CYSLTR1: variants seen among roughly 807,000 people sequenced by gnomAD.
CYSLTR1 encodes the protein cysteinyl leukotriene receptor 1, also known as G-protein coupled receptor HG55.
Under a neutral mutation model 2.1 loss-of-function variants are expected in CYSLTR1, and 1 was observed. The observed-to-expected ratio is 0.48, with a 90% CI of 0.17 to 2.28. The LOEUF is 2.28. Ranked by LOEUF, CYSLTR1 falls within the 30% of genes most tolerant of loss-of-function variation. The pLI is 0.26. For synonymous variants in CYSLTR1, 110 were observed against 89.6 expected (o/e 1.23, Z -1.28); for missense variants, 299 against 250.1 (o/e 1.20, Z -1.32).
chrX:78,316,536 T>C (rs1482986957), intron 1 of CYSLTR1, among the ~76,000 whole-genome samples: 1 of 111,815 alleles, frequency 8.9e-6, no homozygotes, highest in Non-Finnish European at 1.9e-5. Context: ...GCACCATTAG[T>C]GGAGCACTAT....
At chrX:78,302,781 A>G (rs1183583591) in intron 1 of CYSLTR1, among the ~76,000 whole-genome samples, 1 of 110,555 alleles carries the variant, frequency 9.0e-6, no homozygotes, top group Non-Finnish European at 1.9e-5. Flanking sequence ...CTGAGATGGT[A>G]TTCAAGATGG....
At chrX:78,293,112 G>A (rs886749992) in intron 1 of CYSLTR1, among the ~76,000 whole-genome samples, 1 of 111,132 alleles carries the variant, frequency 9.0e-6, no homozygotes, top group African/African-American at 3.3e-5. Context: ...GCAGTGGCTG[G>A]TACTGGTTGT....
At chrX:78,294,859 T>C (rs1015274870) in intron 1 of CYSLTR1, among the ~76,000 whole-genome samples, 1 of 111,867 alleles carries the variant, frequency 8.9e-6, no homozygotes, top group African/African-American at 3.3e-5. Flanking sequence ...TGGGTGGGAG[T>C]GTACTGATTT....
intron 1 of CYSLTR1, among the ~76,000 whole-genome samples, chrX:78,293,872 C>A (rs1254062206): frequency 1.8e-5 from 2 of 111,384 alleles, no homozygotes; most frequent in Non-Finnish European, 3.8e-5. Flanking sequence ...TTCTAGTTAG[C>A]CATTCGTCCA....
chrX:78,309,495 G>T (rs181553665), intron 1 of CYSLTR1, among the ~76,000 whole-genome samples: 1 of 111,753 alleles, frequency 8.9e-6, no homozygotes, highest in Non-Finnish European at 1.9e-5. Context: ...TCAGTGTTCT[G>T]GTGTTCAGGC....
chrX:78,289,235 T>G (rs1922209928), intron 1 of CYSLTR1, among the ~76,000 whole-genome samples: 1 of 111,023 alleles, frequency 9.0e-6, no homozygotes, highest in Admixed American at 9.5e-5. Flanking sequence ...GTCCTTGTGA[T>G]AGTTTGCTGA....
chrX:78,272,769 A>G lies in CYSLTR1; in HGVS notation c.978T>C (p.Ser326=). ...SVTYVPRKKA[S]LPEKGEEICK... is the part of the protein sequence containing the mutation. The stretch of plus-strand genomic sequence containing the variant: ...ATATTTCTTCTCCTTTTTCTGGCAA[A>G]GAGGCCTTCTTTCTGGGTACATAAG... The change falls in exon 3 of 3, where the codon TCT becomes TCC. Residue 326 remains serine, a synonymous_variant. Transcript: ENST00000373304. 1 of 1,202,842 alleles carries G rather than the reference A, an allele frequency of 8.3e-7. No homozygotes were observed.
intron 2 of CYSLTR1, among the ~76,000 whole-genome samples, chrX:78,276,404 C>T (rs998724358): frequency 8.1e-5 from 9 of 111,066 alleles, no homozygotes; most frequent in Non-Finnish European, 1.7e-4. Context: ...TTGTAAGAGA[C>T]GTGTTGGGGT....
At chrX:78,292,801 T>G (rs1414401309) in intron 1 of CYSLTR1, among the ~76,000 whole-genome samples, 1 of 109,434 alleles carries the variant, frequency 9.1e-6, no homozygotes, top group Non-Finnish European at 1.9e-5. Context: ...CCCTGCTGTT[T>G]TTTTTTTTTT....
chrX:78,295,864 AT>A (rs1188736006), intron 1 of CYSLTR1, among the ~76,000 whole-genome samples: 2 of 110,765 alleles, frequency 1.8e-5, no homozygotes, highest in Non-Finnish European at 3.8e-5. Context: ...CACTTTGTTG[AT>A]TGTTTCCTTT....
At chrX:78,308,018 A>T (rs1310858111) in intron 1 of CYSLTR1, among the ~76,000 whole-genome samples, 1 of 109,843 alleles carries the variant, frequency 9.1e-6, no homozygotes, top group Non-Finnish European at 1.9e-5. Flanking sequence ...AGGTAAAGGG[A>T]GGTTTTTGTA....
At chrX:78,300,781 C>G (rs924091191) in intron 1 of CYSLTR1, among the ~76,000 whole-genome samples, 1 of 112,636 alleles carries the variant, frequency 8.9e-6, no homozygotes, top group Non-Finnish European at 1.9e-5. Context: ...GTGAATAAGT[C>G]TTATGAAATA....
chrX:78,275,749 A>G (rs1921563546), intron 2 of CYSLTR1, among the ~76,000 whole-genome samples: 1 of 111,600 alleles, frequency 9.0e-6, no homozygotes, highest in African/African-American at 3.3e-5. Flanking sequence ...TAAAAAAAGA[A>G]AATGCTTGGT....
At chrX:78,304,705 T>C (rs1453488315) in intron 1 of CYSLTR1, among the ~76,000 whole-genome samples, 1 of 111,121 alleles carries the variant, frequency 9.0e-6, no homozygotes, top group East Asian at 2.8e-4. Flanking sequence ...GGAGACAAGA[T>C]AAGGGTAATC....
intron 1 of CYSLTR1, among the ~76,000 whole-genome samples, chrX:78,321,912 C>G (rs1235644859): frequency 9.0e-6 from 1 of 111,181 alleles, no homozygotes; most frequent in Non-Finnish European, 1.9e-5. Flanking sequence ...ATACGCCTGC[C>G]AAGATTTCCT....
chrX:78,313,962 T>C (rs1379182721), intron 1 of CYSLTR1, among the ~76,000 whole-genome samples: 1 of 111,576 alleles, frequency 9.0e-6, no homozygotes, highest in Non-Finnish European at 1.9e-5. Flanking sequence ...AGTAATGATT[T>C]AGAGTAGCAT....
chrX:78,285,114 C>G (rs6623271), intron 1 of CYSLTR1, among the ~76,000 whole-genome samples: 1 of 111,345 alleles, frequency 9.0e-6, no homozygotes, highest in Non-Finnish European at 1.9e-5. Flanking sequence ...CAATAAAGTT[C>G]TAGTGACTGA....
intron 1 of CYSLTR1, among the ~76,000 whole-genome samples, chrX:78,304,637 C>T (rs1282455572): frequency 6.3e-5 from 7 of 110,532 alleles, no homozygotes; most frequent in African/African-American, 2.3e-4. Flanking sequence ...CTCCCCAGGC[C>T]TCCACAAAGA....
intron 1 of CYSLTR1, among the ~76,000 whole-genome samples, chrX:78,291,383 A>G (rs938811948): frequency 2.7e-5 from 3 of 110,850 alleles, no homozygotes; most frequent in African/African-American, 9.9e-5. Flanking sequence ...GAATTTTTGC[A>G]TCGATGTTTA....
Sources: gnomAD v4.1 joint callset for allele counts (sites outside exome capture counted in the v4.1 genomes callset) on GRCh38, gnomAD v4.1.1 for gene constraint, MANE v1.5 for transcripts, NCBI Gene and HGNC (gene_info 2026-07-23, HGNC 2026-07-21) for gene names.